ZNF536: variants seen among roughly 807,000 people sequenced by gnomAD.
ZNF536 encodes the protein zinc finger protein 536.
In ZNF536, 13 loss-of-function variants were observed where a neutral mutation model predicts 84.5. That is an observed-to-expected ratio of 0.15 (90% confidence interval 0.10 to 0.24). The LOEUF (loss-of-function observed/expected upper bound fraction) is 0.24, where lower values mean the gene tolerates loss of function less well. ZNF536 is among the 10% of genes least tolerant of loss of function. ZNF536 has a pLI of 1.00. For synonymous variants in ZNF536, 811 were observed against 742.5 expected (o/e 1.09, Z -1.50); for missense variants, 1,536 against 1,747.5 (o/e 0.88, Z 2.16).
chr19:30,285,380 T>C (rs2045591216), intron 2 of ZNF536, among the ~76,000 whole-genome samples: 1 of 152,184 alleles, frequency 6.6e-6, no homozygotes, highest in South Asian at 2.1e-4. Flanking sequence ...GGTCCAACCA[T>C]CCCAGTGATC....
chr19:30,365,623 G>A (rs1037653634), intron 3 of ZNF536, among the ~76,000 whole-genome samples: 3 of 152,162 alleles, frequency 2.0e-5, no homozygotes, highest in Non-Finnish European at 4.4e-5. Context: ...GTGTAGCAAG[G>A]ACTCCCGTGG....
chr19:30,500,509 A>G (rs2054905732), intron 2 of ZNF536, among the ~76,000 whole-genome samples: 1 of 152,002 alleles, frequency 6.6e-6, no homozygotes, highest in South Asian at 2.1e-4. Context: ...GCATAACCCC[A>G]GGCTCACTCC....
chr19:30,604,769 C>A (rs971266854), intron 1 of ZNF536, among the ~76,000 whole-genome samples: 2 of 152,178 alleles, frequency 1.3e-5, no homozygotes, highest in African/African-American at 4.8e-5. Context: ...TTATTTTTCA[C>A]ATGAAGAACG....
At chr19:30,233,165 C>T (rs1236816751) in intron 1 of ZNF536, among the ~76,000 whole-genome samples, 2 of 151,304 alleles carry the variant, frequency 1.3e-5, no homozygotes, top group African/African-American at 4.9e-5. Context: ...GCATGGGGCC[C>T]AGCTCTGACT....
intron 1 of ZNF536, among the ~76,000 whole-genome samples, chr19:30,443,047 T>G (rs961455219): frequency 1.2e-3 from 55 of 44,094 alleles, no homozygotes; most frequent in South Asian, 5.8e-3. Context: ...TTGTTTGTTT[T>G]TTTTTTTTTT....
At chr19:30,231,307 G>A (rs895739458) in intron 1 of ZNF536, among the ~76,000 whole-genome samples, 8 of 152,206 alleles carry the variant, frequency 5.3e-5, no homozygotes, top group African/African-American at 1.9e-4. Flanking sequence ...CTTAGATTTC[G>A]GCTGGAAGGA....
chr19:30,312,825 A>T (rs1204473164), intron 2 of ZNF536, among the ~76,000 whole-genome samples: 1 of 152,194 alleles, frequency 6.6e-6, no homozygotes, highest in Non-Finnish European at 1.5e-5. Flanking sequence ...GAGAGCCAGG[A>T]GCCTGGGTTT....
chr19:30,685,558 G>A (rs961312519), intron 1 of ZNF536, among the ~76,000 whole-genome samples: 2 of 151,962 alleles, frequency 1.3e-5, no homozygotes, highest in Non-Finnish European at 2.9e-5. Context: ...AAAAGTCAGG[G>A]CAGCTTCACC....
chr19:30,671,849 T>C (rs1036266950), intron 1 of ZNF536, among the ~76,000 whole-genome samples: 1 of 152,212 alleles, frequency 6.6e-6, no homozygotes, highest in Non-Finnish European at 1.5e-5. Context: ...CTTGGCAAGA[T>C]CCCTGAGAAT....
At chr19:30,374,452 T>C (rs78467581) in intron 1 of ZNF536, among the ~76,000 whole-genome samples, 9,349 of 152,178 alleles carry the variant, frequency 0.061, 967 homozygotes, top group African/African-American at 0.21. Context: ...TTCTGTGATA[T>C]CCAGTAGTGC....
intron 2 of ZNF536, among the ~76,000 whole-genome samples, chr19:30,297,596 G>A (rs1389774004): frequency 6.6e-6 from 1 of 152,162 alleles, no homozygotes; most frequent in Admixed American, 6.5e-5. Context: ...GTAGCACCAG[G>A]ATGTAGTGAC....
chr19:30,412,558 T>C (rs1216288279), intron 1 of ZNF536, among the ~76,000 whole-genome samples: 1 of 152,072 alleles, frequency 6.6e-6, no homozygotes, highest in African/African-American at 2.4e-5. Flanking sequence ...TTCATTTCAC[T>C]AATATTTTAT....
chr19:30,323,044 G>A (rs2046909378), intron 2 of ZNF536, among the ~76,000 whole-genome samples: 1 of 152,124 alleles, frequency 6.6e-6, no homozygotes, highest in East Asian at 1.9e-4. Flanking sequence ...AGACCCTGGG[G>A]CCCTGGAGGC....
At chr19:30,596,989 C>T (rs781480580) in intron 1 of ZNF536, among the ~76,000 whole-genome samples, 13 of 152,154 alleles carry the variant, frequency 8.5e-5, no homozygotes, top group South Asian at 2.1e-4. Context: ...ATGCTAATAG[C>T]GAATTCCCAG....
chr19:30,359,690 AC>A (rs113054756), intron 3 of ZNF536, among the ~76,000 whole-genome samples: 4,306 of 151,502 alleles, frequency 0.028, 127 homozygotes, highest in African/African-American at 0.076. Context: ...CAGTTGGACG[AC>A]CCCTCCCCAC....
intron 2 of ZNF536, among the ~76,000 whole-genome samples, chr19:30,331,908 C>T (rs560388534): frequency 6.6e-6 from 1 of 152,144 alleles, no homozygotes; most frequent in Non-Finnish European, 1.5e-5. Flanking sequence ...TTCATCACTT[C>T]CTTGCACCCA....
chr19:30,233,553 G>T (rs938217846), intron 1 of ZNF536, among the ~76,000 whole-genome samples: 7 of 151,092 alleles, frequency 4.6e-5, no homozygotes, highest in Non-Finnish European at 1.0e-4. Flanking sequence ...TTGCTATGTT[G>T]CCCAGGCTGG....
At chr19:30,370,849 A>T (rs991485418), upstream of ZNF536, among the ~76,000 whole-genome samples, 1 of 152,250 alleles carries the variant, frequency 6.6e-6, no homozygotes, top group African/African-American at 2.4e-5. Flanking sequence ...ATCAACTGTA[A>T]TATTAGTTTG....
chr19:30,266,707 C>A (rs2025531725), intron 1 of ZNF536, among the ~76,000 whole-genome samples: 1 of 152,184 alleles, frequency 6.6e-6, no homozygotes, highest in Non-Finnish European at 1.5e-5. Flanking sequence ...CTTCATATAT[C>A]AAGCATAATA....
Sources: allele counts gnomAD v4.1 joint callset (sites outside exome capture counted in the v4.1 genomes callset), GRCh38; gene constraint gnomAD v4.1.1; transcripts MANE v1.5; gene names NCBI Gene and HGNC (gene_info 2026-07-23, HGNC 2026-07-21).